The following ZNF775 variants were observed in gnomAD, a reference collection of about 807,000 sequenced individuals.
ZNF775 encodes the protein zinc finger protein 775.
A neutral mutation model predicts 2.4 loss-of-function variants in ZNF775; 1 was observed. The observed-to-expected ratio is 0.41, with a 90% CI of 0.15 to 1.94. The LOEUF is 1.94. Among genes scored for constraint, ZNF775 ranks in the 30% most tolerant of loss-of-function variants. The pLI is 0.30. For synonymous variants in ZNF775, 381 were observed against 373.3 expected, an observed-to-expected ratio of 1.02 and a Z score of -0.24; for missense variants, 823 against 826.6, an observed-to-expected ratio of 1.00 and a Z score of 0.05.
chr7:150,386,138 G>A (rs145353545), intron 1 of ZNF775, among the ~76,000 whole-genome samples: 1,681 of 152,188 alleles, frequency 0.011, 31 homozygotes, highest in African/African-American at 0.038. Context: ...GTTTCCCCAC[G>A]TCGGCCAGGC....
intron 2 of ZNF775, among the ~76,000 whole-genome samples, chr7:150,392,046 A>G (rs895402553): frequency 6.6e-6 from 1 of 152,132 alleles, no homozygotes; most frequent in Non-Finnish European, 1.5e-5. Context: ...TTATGTTTAT[A>G]GTATCTTTTG....
intron 2 of ZNF775, among the ~76,000 whole-genome samples, chr7:150,390,489 A>C (rs1800543471): frequency 6.6e-6 from 1 of 152,178 alleles, no homozygotes; most frequent in Non-Finnish European, 1.5e-5. Flanking sequence ...GGTGTGACTC[A>C]TCCTGGATCA....
Position 150,396,793 on chromosome 7 carries a change from G to C in ZNF775, c.312G>C (p.Glu104Asp). The C allele has an allele frequency of 3.1e-6, 5 of 1,598,468 alleles. No individual in the cohort carries two copies. The highest frequency in any genetic ancestry group is 4.3e-6 in the Non-Finnish European group (5 of 1,174,448). Residue 104 changes from glutamate (E) to aspartate (D), a missense_variant, in exon 3 of 3, where the codon GAG (glutamate) becomes GAC (aspartate). Coordinates refer to ENST00000329630, the MANE Select transcript of ZNF775 (RefSeq NM_173680.4). ...GPLSPSLSSGEGHFVCLDCGK... is the reference protein window; with the variant it reads ...GPLSPSLSSGDGHFVCLDCGK... ...TGAGCCCCTCGCTTTCCTCCGGCGA[G>C]GGTCACTTTGTATGCCTGGACTGCG... is the stretch of plus-strand genomic sequence containing the variant.
chr7:150,381,244 G>A (rs142023885), intron 1 of ZNF775, among the ~76,000 whole-genome samples: 326 of 152,246 alleles, frequency 2.1e-3, no homozygotes, highest in African/African-American at 5.0e-3. Flanking sequence ...ACCTCTGGCC[G>A]GTGAAGGAAG....
chr7:150,387,962 G>A (rs561113894), intron 1 of ZNF775, among the ~76,000 whole-genome samples: 2 of 152,184 alleles, frequency 1.3e-5, no homozygotes, highest in Admixed American at 6.5e-5. Flanking sequence ...AAGAGGGGGC[G>A]GGTGACGGAG....
intron 1 of ZNF775, among the ~76,000 whole-genome samples, chr7:150,381,783 G>A (rs1800366994): frequency 6.6e-6 from 1 of 152,096 alleles, no homozygotes; most frequent in Non-Finnish European, 1.5e-5. Context: ...CTTTCCCTTG[G>A]CTCCCCTCCT....
rs776850369 is a variant in ZNF775, at chr7:150,396,704, G to A, written c.223G>A (p.Ala75Thr). The change falls in exon 3 of 3, where the codon GCC becomes ACC. Residue 75 changes from alanine to threonine, a missense_variant. Coordinates refer to ENST00000329630, the MANE Select transcript of ZNF775 (RefSeq NM_173680.4). ...GGAGGAGTCTGGGAGTCCAAGGTGG[G>A]CCCCTCCCACTGAGCAGGATGCGGG... ...GQEESGSPRW[A>T]PPTEQDAGLA... The A allele has an allele frequency of 2.2e-5, 36 of 1,602,618 alleles. No individual in the cohort carries two copies. In the Admixed American group the frequency reaches 6.0e-4, roughly 27 times the overall value.
chr7:150,397,029 A>AGACCCACTCCCGGCCCGC lies in ZNF775; in HGVS notation c.549_566dup (p.Arg187_Ser192dup). ...AAGCAGCACCTGCTCAAGCACCAGA[A>AGACCCACTCCCGGCCCGC]GACCCACTCCCGGCCCGCCACCCAC... On this transcript the variant is annotated inframe_insertion, in exon 3 of 3. Coordinates refer to ENST00000329630, the MANE Select transcript of ZNF775 (RefSeq NM_173680.4). 6.3e-7 allele frequency: 1 copy of AGACCCACTCCCGGCCCGC among 1,595,690 alleles called. No homozygotes were observed. Among genetic ancestry groups the AGACCCACTCCCGGCCCGC allele is most frequent in the Non-Finnish European group, 8.5e-7 (1 of 1,177,624 alleles).
At chr7:150,385,536 G>A (rs112688848) in intron 1 of ZNF775, among the ~76,000 whole-genome samples, 2,102 of 151,372 alleles carry the variant, frequency 0.014, 52 homozygotes, top group African/African-American at 0.05. Context: ...CTGCAAAGAC[G>A]GGAGCTCTGA....
chr7:150,382,235 G>A lies in ZNF775; in HGVS notation c.-50+2843G>A, dbSNP rs1025738815. 6.6e-6 allele frequency among the ~76,000 whole-genome samples: 1 copy of A among 152,194 alleles called. No homozygotes were observed. Among genetic ancestry groups the A allele is most frequent in the Non-Finnish European group, 1.5e-5 (1 of 68,034 alleles). On this transcript the variant is annotated intron_variant, in intron 1 of 2. Coordinates refer to ENST00000329630, the MANE Select transcript of ZNF775 (RefSeq NM_173680.4). This position sits in a 1 kb window ranked among gnomAD's most constrained non-coding sequence, Gnocchi z 4.6. ...CTGGCTGGAAGGAGTGATGGCTTAGGAGGAGTGAGTGGCAGCGGGGACGCT... is the reference window on the plus strand; with the variant it reads ...CTGGCTGGAAGGAGTGATGGCTTAGAAGGAGTGAGTGGCAGCGGGGACGCT...
At position 150,396,680 on chromosome 7, in the gene ZNF775, G is replaced by A. The variant is rs749127815; in HGVS notation, c.199G>A (p.Glu67Lys). 4.4e-6 allele frequency: 7 copies of A among 1,608,518 alleles called. No individual in the cohort carries two copies. In the Admixed American group the frequency reaches 1.0e-4, roughly 23 times the overall value. Residue 67 changes from glutamate (E) to lysine (K), a missense_variant, in exon 3 of 3, where the codon GAG becomes AAG. Coordinates refer to ENST00000329630, the MANE Select transcript of ZNF775 (RefSeq NM_173680.4). ...MGRPRALGGQ[E>K]ESGSPRWAPP... ...GCGGCCTCGAGCCCTGGGGGGACAG[G>A]AGGAGTCTGGGAGTCCAAGGTGGGC...
chr7:150,390,693 T>A (rs1800546054), intron 2 of ZNF775, among the ~76,000 whole-genome samples: 1 of 152,258 alleles, frequency 6.6e-6, no homozygotes, highest in Non-Finnish European at 1.5e-5. Context: ...AACTATTTTT[T>A]AGGATAATTA....
At chr7:150,380,020 C>T (rs1378082575) in intron 1 of ZNF775, 2 of 152,088 alleles carry the variant, frequency 1.3e-5, no homozygotes, top group East Asian at 3.9e-4. Flanking sequence ...TGCGGGCATC[C>T]CCTCTGTGAA....
chr7:150,388,349 G>T (rs535456285), intron 1 of ZNF775, 73 bp from the exon 2 acceptor site: 6 of 1,181,372 alleles, frequency 5.1e-6, no homozygotes, highest in East Asian at 2.6e-5. Flanking sequence ...GGGATGGGAG[G>T]GGGGCTGGGG....
intron 2 of ZNF775, among the ~76,000 whole-genome samples, chr7:150,391,273 C>T (rs1273354890): frequency 6.6e-6 from 1 of 152,180 alleles, no homozygotes; most frequent in African/African-American, 2.4e-5. Flanking sequence ...TTTGGGAGGC[C>T]CAGTTCGGTG....
In ZNF775 at chr7:150,398,215, C is replaced by G. The variant is rs1800720645; in HGVS notation, c.*120C>G. The G allele has an allele frequency of 2.8e-6, 4 of 1,425,694 alleles. No individual in the cohort carries two copies. Among genetic ancestry groups the G allele is most frequent in the Non-Finnish European group, 3.7e-6 (4 of 1,077,468 alleles). The allele number at this position is 1,425,694 out of a possible 1,614,324, so 88.3% of individuals were successfully genotyped here. On this transcript the variant is annotated 3_prime_UTR_variant, in exon 3 of 3. Coordinates refer to ENST00000329630, the MANE Select transcript of ZNF775 (RefSeq NM_173680.4). ...CCCTTAGAGCGGGACCGGTGGATTCCTTAAGGCTCTGAAGGGCTGAGAACA... is the reference window on the plus strand; with the variant it reads ...CCCTTAGAGCGGGACCGGTGGATTCGTTAAGGCTCTGAAGGGCTGAGAACA...
In ZNF775 at chr7:150,379,355, G is replaced by T. The variant is rs1189958022; in HGVS notation, c.-87G>T. The T allele has an allele frequency of 6.6e-6, 1 of 152,232 alleles. No homozygotes were observed. The highest frequency in any genetic ancestry group is 1.5e-5 in the Non-Finnish European group (1 of 68,036). 9.4% of individuals were successfully genotyped at this position (152,232 alleles called of 1,614,324 possible). On this transcript the variant is annotated 5_prime_UTR_variant, in exon 1 of 3. Transcript: ENST00000329630. ...AGCCCGGTGCCCAAGTCGCCCTCGG[G>T]GTGGCAGTTCCCGTTAACCTTAGCC...
intron 2 of ZNF775, among the ~76,000 whole-genome samples, chr7:150,390,899 GT>G (rs1425982242): frequency 6.6e-6 from 1 of 152,194 alleles, no homozygotes; most frequent in Admixed American, 6.5e-5. Flanking sequence ...TTCTGCCTCA[GT>G]TTATGCTCTC....
chr7:150,381,397 C>T (rs1800359094), intron 1 of ZNF775, among the ~76,000 whole-genome samples: 1 of 152,092 alleles, frequency 6.6e-6, no homozygotes, highest in South Asian at 2.1e-4. Context: ...AAACTGAAGC[C>T]ATGAAACCAG....
Sources: gnomAD v4.1 joint callset for allele counts (sites outside exome capture counted in the v4.1 genomes callset) on GRCh38, gnomAD v4.1.1 for gene constraint, Gnocchi (gnomAD v3.1) non-coding constraint, MANE v1.5 for transcripts, NCBI Gene and HGNC (gene_info 2026-07-23, HGNC 2026-07-21) for gene names.